The following RBMS3 variants were observed in gnomAD, a reference collection of about 807,000 sequenced individuals.
The protein encoded by RBMS3 is RNA binding motif single stranded interacting protein 3, also known as RNA-binding motif, single-stranded-interacting protein 3.
A neutral mutation model predicts 66.8 loss-of-function variants in RBMS3; 27 were observed. The ratio of observed to expected loss-of-function variants is 0.40; its 90% CI spans 0.30 to 0.56. RBMS3 has a LOEUF of 0.56. Among genes scored for constraint, RBMS3 ranks in the 20% least tolerant of loss-of-function variants. RBMS3 has a pLI of 0.40. For missense variants in RBMS3, 513 were observed against 549.5 expected (o/e 0.93, Z 0.66); for synonymous variants, 188 against 183.0 (o/e 1.03, Z -0.22).
At chr3:29,616,486 CA>C in intron 4 of RBMS3, 1 of 157,844 alleles carries the variant, frequency 6.3e-6, no homozygotes, top group Non-Finnish European at 1.4e-5. Flanking sequence ...AACTCTGTCT[CA>C]AAAACAAACA....
intron 4 of RBMS3, among the ~76,000 whole-genome samples, chr3:29,695,477 A>G (rs11720027): frequency 0.46 from 70,176 of 151,948 alleles, 16,949 homozygotes; most frequent in South Asian, 0.55. Context: ...TAGTTAATAT[A>G]TAGATCCTAC....
intron 4 of RBMS3, chr3:29,698,346 C>A (rs1004825716): frequency 7.1e-6 from 7 of 985,234 alleles, no homozygotes; most frequent in Non-Finnish European, 8.4e-6. Flanking sequence ...ATAATAAAAC[C>A]GGAGCAGTTT....
intron 11 of RBMS3, among the ~76,000 whole-genome samples, chr3:29,939,862 T>G (rs1057374612): frequency 6.6e-6 from 1 of 151,898 alleles, no homozygotes; most frequent in Non-Finnish European, 1.5e-5. Context: ...AACTACTTGC[T>G]ACATATCTCC....
At chr3:29,970,593 A>C (rs1697162588) in intron 12 of RBMS3, among the ~76,000 whole-genome samples, 1 of 152,140 alleles carries the variant, frequency 6.6e-6, no homozygotes, top group Non-Finnish European at 1.5e-5. Context: ...AATGTAACTG[A>C]GATATCACTG....
intron 4 of RBMS3, among the ~76,000 whole-genome samples, chr3:29,604,513 T>G (rs1242602831): frequency 6.6e-6 from 1 of 151,934 alleles, no homozygotes; most frequent in Non-Finnish European, 1.5e-5. Flanking sequence ...CATGGTGGGC[T>G]CTCGGATTTT....
intron 3 of RBMS3, chr3:29,556,438 C>T (rs2046366442): frequency 6.6e-6 from 1 of 152,220 alleles, no homozygotes; most frequent in Non-Finnish European, 1.5e-5. Flanking sequence ...CCTGTCTCTA[C>T]TAAAAATATA....
chr3:29,572,027 T>A (rs2046969372), intron 3 of RBMS3, among the ~76,000 whole-genome samples: 3 of 151,894 alleles, frequency 2.0e-5, no homozygotes, highest in Non-Finnish European at 4.4e-5. Context: ...TTTAATTTTA[T>A]TTTTGACTAT....
At chr3:29,659,736 G>A (rs963784753) in intron 4 of RBMS3, among the ~76,000 whole-genome samples, 1 of 152,076 alleles carries the variant, frequency 6.6e-6, no homozygotes, top group African/African-American at 2.4e-5. Flanking sequence ...TTGGTGGGGG[G>A]GTGGTTACAG....
At chr3:29,369,470 T>A (rs1447338978) in intron 1 of RBMS3, among the ~76,000 whole-genome samples, 2 of 144,498 alleles carry the variant, frequency 1.4e-5, no homozygotes, top group Non-Finnish European at 1.5e-5. Flanking sequence ...CCTCAGATTC[T>A]CAGATCATCA....
chr3:29,448,852 G>A (rs1457357506), intron 2 of RBMS3, among the ~76,000 whole-genome samples: 4 of 152,170 alleles, frequency 2.6e-5, no homozygotes, highest in Non-Finnish European at 5.9e-5. Flanking sequence ...GGCACTAAGA[G>A]GTTAAACAAT....
At chr3:29,410,068 T>C (rs1171174866) in intron 1 of RBMS3, among the ~76,000 whole-genome samples, 1 of 152,184 alleles carries the variant, frequency 6.6e-6, no homozygotes, top group African/African-American at 2.4e-5. Flanking sequence ...TTCAAATGTT[T>C]GACCATAAGA....
intron 2 of RBMS3, among the ~76,000 whole-genome samples, chr3:29,484,534 C>G (rs534738552): frequency 6.6e-6 from 1 of 152,276 alleles, no homozygotes; most frequent in African/African-American, 2.4e-5. Context: ...AATACAGTCA[C>G]ATTCTGAGGT....
intron 6 of RBMS3, among the ~76,000 whole-genome samples, chr3:29,843,352 T>C (rs1322181924): frequency 6.6e-6 from 1 of 152,192 alleles, no homozygotes; most frequent in East Asian, 1.9e-4. Flanking sequence ...GTTTAAAATC[T>C]AGAGATAGCG....
At chr3:29,966,888 G>A (rs1696885955) in intron 12 of RBMS3, among the ~76,000 whole-genome samples, 1 of 152,152 alleles carries the variant, frequency 6.6e-6, no homozygotes, top group African/African-American at 2.4e-5. Flanking sequence ...TTTGCTGAGG[G>A]TTTTAATCAT....
chr3:29,624,107 G>A (rs910896743), intron 4 of RBMS3, among the ~76,000 whole-genome samples: 8 of 152,256 alleles, frequency 5.3e-5, no homozygotes, highest in Admixed American at 3.9e-4. Flanking sequence ...GACTTCCAAC[G>A]TATACCTCAG....
intron 5 of RBMS3, among the ~76,000 whole-genome samples, chr3:29,762,669 C>G (rs925432597): frequency 6.6e-6 from 1 of 152,068 alleles, no homozygotes; most frequent in Non-Finnish European, 1.5e-5. Flanking sequence ...TACCTCTGAA[C>G]GAGTGCTCAG....
At chr3:29,326,351 C>A (rs1228432558) in intron 1 of RBMS3, among the ~76,000 whole-genome samples, 1 of 152,120 alleles carries the variant, frequency 6.6e-6, no homozygotes, top group Admixed American at 6.6e-5. Flanking sequence ...CATGGCTTTG[C>A]TAATTACTTT....
intron 1 of RBMS3, among the ~76,000 whole-genome samples, chr3:29,428,081 G>A (rs890595602): frequency 6.6e-6 from 1 of 152,152 alleles, no homozygotes; most frequent in Non-Finnish European, 1.5e-5. Flanking sequence ...TTGAACTTTG[G>A]TTTGGTGGTA....
intron 1 of RBMS3, among the ~76,000 whole-genome samples, chr3:29,373,014 G>A (rs1269602219): frequency 1.3e-5 from 2 of 152,058 alleles, no homozygotes; most frequent in African/African-American, 2.4e-5. Flanking sequence ...TTTTTAAAAC[G>A]AGCAGGAAAA....
Sources: gnomAD v4.1 joint callset for allele counts (sites outside exome capture counted in the v4.1 genomes callset) on GRCh38, gnomAD v4.1.1 for gene constraint, MANE v1.5 for transcripts, NCBI Gene and HGNC (gene_info 2026-07-23, HGNC 2026-07-21) for gene names.